Variants in ZNF197 observed in about 807,000 individuals in gnomAD.
The protein encoded by ZNF197 is zinc finger protein 197.
A neutral mutation model predicts 27.4 loss-of-function variants in ZNF197; 14 were observed. The observed-to-expected ratio is 0.51, with a 90% CI of 0.34 to 0.80. The LOEUF is 0.80. Ranked by LOEUF, ZNF197 falls within the 30% of genes least tolerant of loss-of-function variation. The probability of loss-of-function intolerance (pLI) is 0.02; values close to 1 mark genes in which losing one functional copy is unlikely to be tolerated. For synonymous variants in ZNF197, 415 were observed against 420.0 expected (o/e 0.99, Z 0.15); for missense variants, 1,090 against 1,222.6 (o/e 0.89, Z 1.62).
In ZNF197 at chr3:44,645,075, AC is replaced by A; in HGVS notation, c.*857del. ...CACTGGATTTGGAATCAGAAGACCT[AC>A]CTTTGATTCCTGGCTTTCCCTTAAT... On this transcript the variant is annotated 3_prime_UTR_variant, in exon 6 of 6. Coordinates refer to ENST00000344387, the MANE Select transcript of ZNF197 (RefSeq NM_006991.5). 1.0e-6 allele frequency: 1 copy of A among 983,160 alleles called. No homozygotes were observed. 60.9% of individuals were successfully genotyped at this position (983,160 alleles called of 1,614,324 possible).
rs1251145839 is a variant in ZNF197 at position 44,633,319 on chromosome 3, T to C, written c.769+720T>C. Among the ~76,000 whole-genome samples, 3 of 152,346 alleles carry C rather than the reference T, an allele frequency of 2.0e-5. No individual in the cohort carries two copies. The East Asian group carries it at 5.8e-4, about 29-fold the overall frequency. On this transcript the variant is annotated intron_variant, in intron 5 of 5. Transcript: ENST00000344387. ...ACCAGCAGACATTAAATACCTATCA[T>C]GGTACAGCTGTGAAAATGATGTGAT... is the stretch of plus-strand genomic sequence containing the variant.
Position 44,644,898 on chromosome 3 carries a change from T to C in ZNF197, c.*678T>C. On this transcript the variant is annotated 3_prime_UTR_variant, in exon 6 of 6. Transcript: ENST00000344387. ...ATTAATAAAACTAAAAATTTAATAA[T>C]AAAAAGTGGACATTGTTTTTTAAAA... The C allele has an allele frequency of 3.1e-6, 3 of 978,884 alleles. No homozygotes were observed. The highest frequency in any genetic ancestry group is 3.6e-6 in the Non-Finnish European group (3 of 824,060). The allele number at this position is 978,884 out of a possible 1,614,324, so 60.6% of individuals were successfully genotyped here.
rs746785693 is a variant in ZNF197, at chr3:44,644,129, A to G, written c.2999A>G (p.Asn1000Ser). The change falls in exon 6 of 6, where the codon AAC becomes AGC. Residue 1000 changes from asparagine (N) to serine (S), a missense_variant. Asn to Ser is a conservative substitution (Grantham distance 46, BLOSUM62 1). Coordinates refer to ENST00000344387, the MANE Select transcript of ZNF197 (RefSeq NM_006991.5). ...VSEKEFSQTS[N>S]LHLQQKIHTI... is the part of the protein sequence containing the mutation. ...GAAAAAGAATTCTCTCAGACTTCCA[A>G]CCTTCATCTTCAACAGAAAATCCAT... The G allele has an allele frequency of 2.2e-5, 35 of 1,614,080 alleles. No individual in the cohort carries two copies. The Admixed American group carries it at 3.0e-4, about 14-fold the overall frequency.
chr3:44,637,601 C>T (rs1005661908), intron 5 of ZNF197, among the ~76,000 whole-genome samples: 1 of 152,062 alleles, frequency 6.6e-6, no homozygotes, highest in Non-Finnish European at 1.5e-5. Context: ...TTAGCTCTTA[C>T]ATTTCGGTCT....
In ZNF197 at chr3:44,643,936, A is replaced by G. The variant is rs1702790609; in HGVS notation, c.2806A>G (p.Arg936Gly). ...AAAACCTTATGAGTGTGACAAGTGT[A>G]GGAAATCCTTTACTTCTAAGAGGAA... The part of the protein sequence containing the change: ...GEKPYECDKC[R>G]KSFTSKRNLV... Residue 936 changes from arginine to glycine, a missense_variant, in exon 6 of 6, where the codon AGG becomes GGG. Coordinates refer to ENST00000344387, the MANE Select transcript of ZNF197 (RefSeq NM_006991.5). 3.1e-6 allele frequency: 5 copies of G among 1,614,052 alleles called. No homozygotes were observed. The African/African-American group carries it at 4.0e-5, about 13-fold the overall frequency.
At chr3:44,632,416 C>G in intron 4 of ZNF197, 57 bp from the exon 5 acceptor site, 1 of 1,544,546 alleles carries the variant, frequency 6.5e-7, no homozygotes, top group Non-Finnish European at 8.7e-7. Flanking sequence ...GTGAAGGGAA[C>G]CTTTCGACAG....
rs761391499 is a variant in ZNF197, at chr3:44,646,642, C to T, written c.*2422C>T. ...GAGAGGGGAGTGAAAATTGTTCAAG[C>T]TGTCTTGAGTCTGCTGTGAGTTTAT... On this transcript the variant is annotated 3_prime_UTR_variant, in exon 6 of 6. Transcript: ENST00000344387. The T allele has an allele frequency of 2.8e-6, 2 of 703,596 alleles. 1 individual carries two copies. Among genetic ancestry groups the T allele is most frequent in the South Asian group, 3.3e-5 (2 of 61,532 alleles). The allele number at this position is 703,596 out of a possible 1,614,324, so 43.6% of individuals were successfully genotyped here.
At position 44,628,567 on chromosome 3, in the gene ZNF197, G is replaced by A. The variant is rs970077372; in HGVS notation, c.-81-507G>A. Among the ~76,000 whole-genome samples, 4 of 152,192 alleles carry A rather than the reference G, an allele frequency of 2.6e-5. No individual in the cohort carries two copies. In the South Asian group the frequency reaches 8.3e-4, roughly 31 times the overall value. On this transcript the variant is annotated intron_variant, in intron 1 of 5. Coordinates refer to ENST00000344387, the MANE Select transcript of ZNF197 (RefSeq NM_006991.5). Reference sequence around the variant, plus strand: ...TTAATGATTACTTGTTAACTCTGCGGAACATAGGAAAGAGTACTAGTTACA... The same window carrying A: ...TTAATGATTACTTGTTAACTCTGCGAAACATAGGAAAGAGTACTAGTTACA...
chr3:44,642,468 GATCC>G lies in ZNF197; in HGVS notation c.1340_1343del (p.Ile447ThrfsTer22), dbSNP rs767294346. 6.2e-5 allele frequency: 100 copies of G among 1,613,788 alleles called. No homozygotes were observed. Among genetic ancestry groups the G allele is most frequent in the Non-Finnish European group, 8.0e-5 (94 of 1,179,952 alleles). On this transcript the variant is annotated frameshift_variant, in exon 6 of 6. Transcript: ENST00000344387. LOFTEE classifies it low-confidence loss of function (END_TRUNC). Reference sequence around the variant, plus strand: ...GTGCTTACCTTCTAAACCATCAGAGGATCCACACTGGGGAGAAACCTTATAAGTG... The same window carrying G: ...GTGCTTACCTTCTAAACCATCAGAGGACACTGGGGAGAAACCTTATAAGTG...
Position 44,643,333 on chromosome 3 carries a change from A to G in ZNF197, c.2203A>G (p.Lys735Glu), listed in dbSNP as rs1193094140. The G allele has an allele frequency of 6.2e-6, 10 of 1,613,812 alleles. No homozygotes were observed. The highest frequency in any genetic ancestry group is 7.6e-6 in the Non-Finnish European group (9 of 1,179,956). The change falls in exon 6 of 6, where the codon AAA becomes GAA. Residue 735 changes from lysine to glutamate, a missense_variant. Lys to Glu is a moderately conservative substitution (Grantham distance 56). Transcript: ENST00000344387. The stretch of plus-strand genomic sequence containing the variant: ...ACTCCATACACAAGAGAAAGCCTAC[A>G]AATGTGAGGATTGTGGGAAGGCTTT... ...QKLHTQEKAY[K>E]CEDCGKAFSY...
At position 44,644,898 on chromosome 3, in the gene ZNF197, T is replaced by A. The variant is rs1484196127; in HGVS notation, c.*678T>A. 1.0e-6 allele frequency: 1 copy of A among 978,764 alleles called. No individual in the cohort carries two copies. The allele number at this position is 978,764 out of a possible 1,614,324, so 60.6% of individuals were successfully genotyped here. ...ATTAATAAAACTAAAAATTTAATAA[T>A]AAAAAGTGGACATTGTTTTTTAAAA... On this transcript the variant is annotated 3_prime_UTR_variant, in exon 6 of 6. Transcript: ENST00000344387.
At chr3:44,637,486 T>G (rs1702364859) in intron 5 of ZNF197, among the ~76,000 whole-genome samples, 1 of 152,106 alleles carries the variant, frequency 6.6e-6, no homozygotes, top group Non-Finnish European at 1.5e-5. Context: ...TGTGATGAAT[T>G]CCAGTTTTTT....
rs142014938 is a variant in ZNF197, at chr3:44,640,966, T to C, written c.770-934T>C. On this transcript the variant is annotated intron_variant, in intron 5 of 5. Coordinates refer to ENST00000344387, the MANE Select transcript of ZNF197 (RefSeq NM_006991.5). This position sits in a 1 kb window ranked among gnomAD's most constrained non-coding sequence, Gnocchi z 4.0. ...TGCACTCTTGTCTTCTCTCTCTGTT[T>C]AGATAGAAGAAAAGTATTGTTATAT... Among the ~76,000 whole-genome samples the C allele has an allele frequency of 5.3e-5, 8 of 152,342 alleles. No homozygotes were observed. In the East Asian group the frequency reaches 1.5e-3, roughly 29 times the overall value.
rs1246311900 is a variant in ZNF197 at position 44,643,499 on chromosome 3, A to G, written c.2369A>G (p.Tyr790Cys). ...HKRIHSGEKPYECDECGKCFI... is the reference protein window; with the variant it reads ...HKRIHSGEKPCECDECGKCFI... ...AGAATCCACAGTGGTGAGAAACCCT[A>G]TGAGTGTGATGAGTGTGGCAAATGC... Residue 790 changes from tyrosine (Y) to cysteine (C), a missense_variant, in exon 6 of 6, where the codon TAT (tyrosine) becomes TGT (cysteine). By Grantham distance (194) the Tyr-to-Cys change is radical. Coordinates refer to ENST00000344387, the MANE Select transcript of ZNF197 (RefSeq NM_006991.5). 4 of 1,613,868 alleles carry G rather than the reference A, an allele frequency of 2.5e-6. No homozygotes were observed. The highest frequency in any genetic ancestry group is 3.4e-6 in the Non-Finnish European group (4 of 1,179,820).
intron 5 of ZNF197, among the ~76,000 whole-genome samples, chr3:44,635,279 G>A (rs571997287): frequency 5.3e-5 from 8 of 151,910 alleles, no homozygotes; most frequent in Admixed American, 2.0e-4. Context: ...TGTGCACTCC[G>A]ATGTTGTTGG....
rs1172361205 is a variant in ZNF197 at position 44,632,142 on chromosome 3, A to G, written c.588A>G (p.Glu196=). 1.2e-6 allele frequency: 2 copies of G among 1,614,134 alleles called. No homozygotes were observed. Among genetic ancestry groups the G allele is most frequent in the South Asian group, 1.1e-5 (1 of 91,082 alleles). Residue 196 remains glutamate, a synonymous_variant, in exon 4 of 6, where the codon GAA becomes GAG. Transcript: ENST00000344387. ...CTGAAGCTTCTGCCCTTTCCCAGGAAGAGAACCCAAGAAATCAATTAATGG... is the reference window on the plus strand; with the variant it reads ...CTGAAGCTTCTGCCCTTTCCCAGGAGGAGAACCCAAGAAATCAATTAATGG... ...PAPEASALSQ[E]ENPRNQLMAL...
At chr3:44,637,557 C>G (rs895518561) in intron 5 of ZNF197, among the ~76,000 whole-genome samples, 1 of 151,866 alleles carries the variant, frequency 6.6e-6, no homozygotes, top group South Asian at 2.1e-4. Flanking sequence ...AATCTAGGGC[C>G]GGGAAGATTT....
chr3:44,639,195 C>A (rs533679061), intron 5 of ZNF197, among the ~76,000 whole-genome samples: 1 of 152,090 alleles, frequency 6.6e-6, no homozygotes, highest in African/African-American at 2.4e-5. Context: ...GTGTATAATT[C>A]TTTTTATGTC....
In ZNF197 at chr3:44,643,495, C is replaced by T; in HGVS notation, c.2365C>T (p.Pro789Ser). ...TAAGAGAATCCACAGTGGTGAGAAA[C>T]CCTATGAGTGTGATGAGTGTGGCAA... ...EHKRIHSGEKPYECDECGKCF... is the reference protein window; with the variant it reads ...EHKRIHSGEKSYECDECGKCF... Residue 789 changes from proline (P) to serine (S), a missense_variant, in exon 6 of 6, where the codon CCC becomes TCC. Transcript: ENST00000344387. The T allele has an allele frequency of 6.2e-7, 1 of 1,614,164 alleles. No individual in the cohort carries two copies. The highest frequency in any genetic ancestry group is 8.5e-7 in the Non-Finnish European group (1 of 1,180,024).
Sources: allele counts gnomAD v4.1 joint callset (sites outside exome capture counted in the v4.1 genomes callset), GRCh38; gene constraint gnomAD v4.1.1; non-coding constraint Gnocchi (gnomAD v3.1); transcripts MANE v1.5; gene names NCBI Gene and HGNC (gene_info 2026-07-23, HGNC 2026-07-21).